The following EPM2A variants were observed in gnomAD, a reference collection of about 807,000 sequenced individuals.
EPM2A encodes EPM2A glucan phosphatase, laforin.
EPM2A carries 21 observed loss-of-function variants against 26.5 expected under a neutral mutation model. That is an observed-to-expected ratio of 0.79 (90% CI 0.56 to 1.14). The LOEUF is 1.14. Ranked by LOEUF, EPM2A falls within the 50% of genes most tolerant of loss-of-function variation. EPM2A has a pLI of 0.00. For synonymous variants in EPM2A, 217 were observed against 177.6 expected, an observed-to-expected ratio of 1.22 and a Z score of -1.76; for missense variants, 458 against 440.8, an observed-to-expected ratio of 1.04 and a Z score of -0.35.
chr6:145,555,046 T>TA (rs1780709912), intron 2 of EPM2A, among the ~76,000 whole-genome samples: 1 of 152,098 alleles, frequency 6.6e-6, no homozygotes, highest in Non-Finnish European at 1.5e-5. Flanking sequence ...TACATCAACT[T>TA]ATCACCATAG....
At chr6:145,417,795 A>G (rs1778729003) in intron 4 of EPM2A, among the ~76,000 whole-genome samples, 1 of 150,414 alleles carries the variant, frequency 6.6e-6, no homozygotes. Context: ...GTGAATGCAG[A>G]AAGTCCTCCC....
At chr6:145,443,203 G>T (rs2114702435) in intron 4 of EPM2A, among the ~76,000 whole-genome samples, 1 of 152,172 alleles carries the variant, frequency 6.6e-6, no homozygotes, top group East Asian at 1.9e-4. Context: ...GGATTTCTTT[G>T]GCTATTCAGT....
At chr6:145,578,448 G>C (rs576806145) in intron 2 of EPM2A, among the ~76,000 whole-genome samples, 3 of 152,058 alleles carry the variant, frequency 2.0e-5, no homozygotes, top group Non-Finnish European at 4.4e-5. Context: ...TAGAAGAAAT[G>C]GATAAACTCT....
intron 2 of EPM2A, among the ~76,000 whole-genome samples, chr6:145,565,929 A>G (rs899537381): frequency 2.6e-5 from 4 of 152,184 alleles, no homozygotes; most frequent in Non-Finnish European, 4.4e-5. Context: ...TTCAGGAAAA[A>G]ATATGGAAAT....
At chr6:145,422,199 T>C (rs1374722220) in intron 4 of EPM2A, among the ~76,000 whole-genome samples, 1 of 146,298 alleles carries the variant, frequency 6.8e-6, no homozygotes, top group Non-Finnish European at 1.5e-5. Flanking sequence ...TATATAATTA[T>C]AGAAGTATAT....
At chr6:145,725,820 G>A (rs368781205) in intron 1 of EPM2A, among the ~76,000 whole-genome samples, 11 of 151,904 alleles carry the variant, frequency 7.2e-5, no homozygotes, top group African/African-American at 2.2e-4. Context: ...GAAACTAGTC[G>A]AAATGAGACT....
chr6:145,456,392 T>C (rs536255030), intron 4 of EPM2A, among the ~76,000 whole-genome samples: 6 of 152,244 alleles, frequency 3.9e-5, no homozygotes, highest in African/African-American at 1.2e-4. Context: ...TAATCTACAG[T>C]TGAAGCATTT....
At chr6:145,517,980 G>T (rs532028358) in intron 2 of EPM2A, among the ~76,000 whole-genome samples, 1 of 152,144 alleles carries the variant, frequency 6.6e-6, no homozygotes, top group Non-Finnish European at 1.5e-5. Flanking sequence ...GATTCCTAAG[G>T]CCACGCCAAT....
chr6:145,642,571 T>A (rs1467603425), intron 2 of EPM2A, among the ~76,000 whole-genome samples: 1 of 152,160 alleles, frequency 6.6e-6, no homozygotes, highest in Non-Finnish European at 1.5e-5. Context: ...ACCAAATGTA[T>A]ACATTAGATA....
At chr6:145,699,221 G>T (rs575540561) in intron 1 of EPM2A, among the ~76,000 whole-genome samples, 1 of 152,248 alleles carries the variant, frequency 6.6e-6, no homozygotes, top group African/African-American at 2.4e-5. Flanking sequence ...TTAGATAAAA[G>T]TTATAGGAAG....
intron 4 of EPM2A, among the ~76,000 whole-genome samples, chr6:145,423,675 T>C (rs1054778946): frequency 2.0e-5 from 3 of 152,182 alleles, no homozygotes; most frequent in Non-Finnish European, 4.4e-5. Context: ...CCACTCCCGG[T>C]GACCTTGCCA....
chr6:145,450,395 G>C (rs187546034), intron 4 of EPM2A, among the ~76,000 whole-genome samples: 2 of 151,420 alleles, frequency 1.3e-5, no homozygotes, highest in Non-Finnish European at 2.9e-5. Context: ...ATTGGTGGGG[G>C]TATAAATTGG....
intron 4 of EPM2A, among the ~76,000 whole-genome samples, chr6:145,460,524 A>G (rs1779316019): frequency 6.6e-6 from 1 of 152,186 alleles, no homozygotes; most frequent in South Asian, 2.1e-4. Flanking sequence ...ACACTGGGTT[A>G]GTGCACAGTA....
chr6:145,560,488 T>C (rs531002505), intron 2 of EPM2A, among the ~76,000 whole-genome samples: 1 of 152,124 alleles, frequency 6.6e-6, no homozygotes, highest in Non-Finnish European at 1.5e-5. Context: ...ACAAAAGCAG[T>C]ATGTAAATAA....
chr6:145,635,502 G>A lies in EPM2A; in HGVS notation c.477-16C>T. 1.2e-6 allele frequency: 2 copies of A among 1,613,582 alleles called. No individual in the cohort carries two copies. On this transcript the variant is annotated splice_polypyrimidine_tract_variant and intron_variant, in intron 2 of 3. Transcript: ENST00000367519. ...TGGTAGAATTCTAATGAGAACATAT[G>A]GAGACAACTATCACTAGTGTTGTTC...
chr6:145,646,381 T>C (rs188888407), intron 2 of EPM2A, among the ~76,000 whole-genome samples: 1 of 152,046 alleles, frequency 6.6e-6, no homozygotes, highest in Non-Finnish European at 1.5e-5. Flanking sequence ...TTTCACCATG[T>C]TGGCCAGGCT....
intron 2 of EPM2A, among the ~76,000 whole-genome samples, chr6:145,538,945 T>A (rs1394369999): frequency 2.6e-5 from 4 of 152,196 alleles, no homozygotes; most frequent in Admixed American, 6.5e-5. Context: ...GTACCAGAAA[T>A]CCTTGCTTAA....
At chr6:145,441,133 T>C (rs566316563) in intron 4 of EPM2A, among the ~76,000 whole-genome samples, 37 of 152,302 alleles carry the variant, frequency 2.4e-4, no homozygotes, top group Admixed American at 4.6e-4. Context: ...TAGACGGAAG[T>C]TCCCAAATCA....
At chr6:145,705,985 T>C (rs1475848144) in intron 1 of EPM2A, 6 of 455,896 alleles carry the variant, frequency 1.3e-5, no homozygotes, top group African/African-American at 1.0e-4. Flanking sequence ...AGCAATTTAT[T>C]TAAATATGAA....
Sources: gnomAD v4.1 joint callset for allele counts (sites outside exome capture counted in the v4.1 genomes callset) on GRCh38, gnomAD v4.1.1 for gene constraint, MANE v1.5 for transcripts, NCBI Gene and HGNC (gene_info 2026-07-23, HGNC 2026-07-21) for gene names.